Variants in ST8SIA1 observed in about 807,000 individuals in gnomAD.
ST8SIA1 encodes the protein alpha-N-acetylneuraminide alpha-2,8-sialyltransferase.
A neutral mutation model predicts 35.9 loss-of-function variants in ST8SIA1; 16 were observed. That is an observed-to-expected ratio of 0.45 (90% CI 0.30 to 0.68). The LOEUF is 0.68. Ranked by LOEUF, ST8SIA1 falls within the 30% of genes least tolerant of loss-of-function variation. The pLI, the probability that ST8SIA1 is intolerant of heterozygous loss-of-function variation, is 0.09. For missense variants in ST8SIA1, 383 were observed against 453.6 expected (o/e 0.84, Z 1.41); for synonymous variants, 170 against 169.6 (o/e 1.00, Z -0.02).
At chr12:22,245,526 T>C (rs117141301) in intron 4 of ST8SIA1, among the ~76,000 whole-genome samples, 273 of 152,366 alleles carry the variant, frequency 1.8e-3, no homozygotes, top group Middle Eastern at 3.4e-3. Flanking sequence ...CCTGTGAAAA[T>C]GCTACTGTCT....
intron 1 of ST8SIA1, among the ~76,000 whole-genome samples, chr12:22,302,497 G>A (rs1318951417): frequency 6.6e-6 from 1 of 152,000 alleles, no homozygotes; most frequent in African/African-American, 2.4e-5. Flanking sequence ...TCTTCATAGA[G>A]CATGAGACTT....
chr12:22,201,392 C>T lies in ST8SIA1; in HGVS notation c.*160G>A. The T allele has an allele frequency of 2.1e-6, 2 of 968,034 alleles. No individual in the cohort carries two copies. The highest frequency in any genetic ancestry group is 2.7e-5 in the Admixed American group (1 of 36,508). 60.0% of individuals were successfully genotyped at this position (968,034 alleles called of 1,614,324 possible). ...TTCATTTCTTATTTGTCCTCCAAGC[C>T]AACGCTGAAAGTAAAGTTTTGCTTG... On this transcript the variant is annotated 3_prime_UTR_variant, in exon 5 of 5. Coordinates refer to ENST00000396037, the MANE Select transcript of ST8SIA1 (RefSeq NM_003034.4).
chr12:22,252,358 A>G (rs1865681409), intron 3 of ST8SIA1, among the ~76,000 whole-genome samples: 1 of 152,218 alleles, frequency 6.6e-6, no homozygotes, highest in Non-Finnish European at 1.5e-5. Flanking sequence ...TTTTGAATAT[A>G]TAATATCTCG....
At chr12:22,289,940 A>T (rs1344759526) in intron 1 of ST8SIA1, among the ~76,000 whole-genome samples, 2 of 152,230 alleles carry the variant, frequency 1.3e-5, no homozygotes, top group Non-Finnish European at 2.9e-5. Flanking sequence ...GTTTAAGTTC[A>T]TTAGCTTAGC....
chr12:22,287,488 C>CAAAAAAAA (rs60549878), intron 1 of ST8SIA1, among the ~76,000 whole-genome samples, 195 bp from the exon 2 acceptor site: 1 of 126,342 alleles, frequency 7.9e-6, no homozygotes. Flanking sequence ...TATTTCACAG[C>CAAAAAAAA]AAAAAAAAAA....
chr12:22,322,704 G>A (rs1866617062), intron 1 of ST8SIA1, among the ~76,000 whole-genome samples: 1 of 152,124 alleles, frequency 6.6e-6, no homozygotes, highest in Non-Finnish European at 1.5e-5. Flanking sequence ...AGATGATATC[G>A]AGCAATGTCA....
chr12:22,334,548 C>T lies in ST8SIA1; in HGVS notation c.-316G>A, dbSNP rs1431912975. On this transcript the variant is annotated 5_prime_UTR_variant, in exon 1 of 5. Transcript: ENST00000396037. ...TGCGCAGAGAGCGGCGGCGGCGAGT[C>T]GCTCCCGCCGGTTCTGCAGCATCAC... 2.5e-6 allele frequency: 1 copy of T among 407,482 alleles called. No homozygotes were observed. Among genetic ancestry groups the T allele is most frequent in the South Asian group, 3.0e-5 (1 of 33,106 alleles). 25.2% of individuals were successfully genotyped at this position (407,482 alleles called of 1,614,324 possible).
intron 4 of ST8SIA1, among the ~76,000 whole-genome samples, chr12:22,211,956 G>A (rs575571484): frequency 2.6e-5 from 4 of 152,108 alleles, no homozygotes; most frequent in East Asian, 1.9e-4. Flanking sequence ...GGTGATCCAC[G>A]CACCTCGGCC....
rs199581590 is a variant in ST8SIA1 at position 22,320,992 on chromosome 12, AAAGAAAGAAAG to A, written c.236+12994_236+13004del. Among the ~76,000 whole-genome samples the A allele has an allele frequency of 8.5e-3, 959 of 112,440 alleles. 22 individuals carry two copies. The highest frequency in any genetic ancestry group is 0.027 in the East Asian group (97 of 3,636). The allele number at this position is 112,440 out of a possible 152,430, so 73.8% of individuals were successfully genotyped here. On this transcript the variant is annotated intron_variant, in intron 1 of 4. Coordinates refer to ENST00000396037, the MANE Select transcript of ST8SIA1 (RefSeq NM_003034.4). ...GAAAGAAAGAAAGAAAGAAAGAAAG[AAAGAAAGAAAG>A]AAGAAAGAAAGAAAGAAAGAAAGAA...
At chr12:22,265,673 T>C (rs577000961) in intron 2 of ST8SIA1, among the ~76,000 whole-genome samples, 1 of 152,260 alleles carries the variant, frequency 6.6e-6, no homozygotes, top group African/African-American at 2.4e-5. Flanking sequence ...AGCCTAGAAA[T>C]CTCAGAGCCA....
intron 2 of ST8SIA1, among the ~76,000 whole-genome samples, chr12:22,271,713 G>C (rs1865913540): frequency 1.3e-5 from 2 of 152,138 alleles, no homozygotes; most frequent in African/African-American, 4.8e-5. Context: ...CATTGCTCTG[G>C]TGGCTTCCCT....
In ST8SIA1 at chr12:22,266,493, T is replaced by TAAA. The variant is rs34617658; in HGVS notation, c.382-11107_382-11105dup. On this transcript the variant is annotated intron_variant, in intron 2 of 4. Transcript: ENST00000396037. ...AAGGTTATACCAGAAAACCCCTATT[T>TAAA]AAAAAAAAAATATATATATATATAG... Among the ~76,000 whole-genome samples, 263 of 135,006 alleles carry TAAA rather than the reference T, an allele frequency of 1.9e-3. 4 individuals carry two copies. The South Asian group carries it at 0.027, about 14-fold the overall frequency. 88.6% of individuals were successfully genotyped at this position (135,006 alleles called of 152,430 possible).
intron 4 of ST8SIA1, among the ~76,000 whole-genome samples, chr12:22,227,002 A>G (rs1865366773): frequency 6.6e-6 from 1 of 152,028 alleles, no homozygotes; most frequent in African/African-American, 2.4e-5. Flanking sequence ...GCTGGAGTGC[A>G]GTGGCATGAT....
At chr12:22,238,168 C>T (rs886098995) in intron 4 of ST8SIA1, among the ~76,000 whole-genome samples, 4 of 151,654 alleles carry the variant, frequency 2.6e-5, no homozygotes, top group Non-Finnish European at 5.9e-5. Flanking sequence ...AGAACTCCCC[C>T]CCCAACAAGA....
At chr12:22,223,677 G>C in intron 4 of ST8SIA1, 1 of 1,200,922 alleles carries the variant, frequency 8.3e-7, no homozygotes, top group Non-Finnish European at 1.0e-6. Context: ...GCAGTCTATT[G>C]ATTGCTGGAG....
chr12:22,223,773 C>A, intron 4 of ST8SIA1: 1 of 1,255,474 alleles, frequency 8.0e-7, no homozygotes, highest in African/African-American at 1.6e-5. Context: ...CTGTAAAATC[C>A]CTTTAAATAA....
chr12:22,279,965 C>A (rs1006768348), intron 2 of ST8SIA1, among the ~76,000 whole-genome samples: 1 of 152,202 alleles, frequency 6.6e-6, no homozygotes, highest in Non-Finnish European at 1.5e-5. Context: ...GGAAGGAAGA[C>A]AGTGAATTAG....
chr12:22,222,793 C>T (rs1865314594), intron 4 of ST8SIA1, among the ~76,000 whole-genome samples: 1 of 151,614 alleles, frequency 6.6e-6, no homozygotes, highest in Admixed American at 6.6e-5. Flanking sequence ...TACTTTAACC[C>T]AAATATTATA....
At chr12:22,223,621 G>A in intron 4 of ST8SIA1, 3 of 1,134,062 alleles carry the variant, frequency 2.6e-6, no homozygotes, top group Middle Eastern at 2.4e-4. Flanking sequence ...AGCAGCTGAA[G>A]TTGTGGCTTC....
Sources: allele counts gnomAD v4.1 joint callset (sites outside exome capture counted in the v4.1 genomes callset), GRCh38; gene constraint gnomAD v4.1.1; transcripts MANE v1.5; gene names NCBI Gene and HGNC (gene_info 2026-07-23, HGNC 2026-07-21).